Variants in CD2AP observed in about 807,000 individuals in gnomAD.
CD2AP encodes CD2 associated protein.
In CD2AP, 46 loss-of-function variants were observed where a neutral mutation model predicts 85.1. The observed-to-expected ratio is 0.54, with a 90% CI of 0.43 to 0.69. The LOEUF (loss-of-function observed/expected upper bound fraction) is 0.69. CD2AP is among the 30% of genes least tolerant of loss of function. The probability of loss-of-function intolerance (pLI) is 0.00; values close to 1 mark genes in which losing one functional copy is unlikely to be tolerated. For synonymous variants in CD2AP, 255 were observed against 252.9 expected (o/e 1.01, Z -0.08); for missense variants, 769 against 729.5 (o/e 1.05, Z -0.62).
chr6:47,480,425 A>G lies in CD2AP; in HGVS notation c.4+2177A>G, dbSNP rs1765413897. 2.6e-5 allele frequency among the ~76,000 whole-genome samples: 4 copies of G among 152,144 alleles called. No individual in the cohort carries two copies. The South Asian group carries it at 8.3e-4, about 31-fold the overall frequency. ...AAAATCTGAAATTTTTTTTGTGTGTAAGATAATTTGGATGCCTATTAAATG... is the reference window on the plus strand; with the variant it reads ...AAAATCTGAAATTTTTTTTGTGTGTGAGATAATTTGGATGCCTATTAAATG... On this transcript the variant is annotated intron_variant, in intron 1 of 17. Coordinates refer to ENST00000359314, the MANE Select transcript of CD2AP (RefSeq NM_012120.3).
At chr6:47,555,631 C>T (rs989791924) in intron 5 of CD2AP, among the ~76,000 whole-genome samples, 3 of 152,078 alleles carry the variant, frequency 2.0e-5, no homozygotes, top group African/African-American at 7.2e-5. Context: ...TAAGATTGCT[C>T]AGACTGCTTA....
intron 2 of CD2AP, among the ~76,000 whole-genome samples, chr6:47,505,938 G>A (rs1197033787): frequency 4.1e-5 from 4 of 98,740 alleles, no homozygotes; most frequent in Non-Finnish European, 4.4e-5. Context: ...GGTGGCTGCC[G>A]GGCGGAGACG....
rs1385670070 is a variant in CD2AP at position 47,533,761 on chromosome 6, TA to T, written c.319+9del. The T allele has an allele frequency of 6.2e-7, 1 of 1,613,350 alleles. No homozygotes were observed. Among genetic ancestry groups the T allele is most frequent in the Non-Finnish European group, 8.5e-7 (1 of 1,179,442 alleles). ...AACCAAAAACATTAAGAAGAGTATG[TA>T]AATAATTCCTTTCCTGCATAATTAC... On this transcript the variant is annotated splice_region_variant and intron_variant, in intron 3 of 17. Coordinates refer to ENST00000359314, the MANE Select transcript of CD2AP (RefSeq NM_012120.3).
intron 4 of CD2AP, among the ~76,000 whole-genome samples, chr6:47,549,929 C>T (rs868049564): frequency 1.4e-4 from 22 of 152,092 alleles, no homozygotes; most frequent in Middle Eastern, 6.8e-3. Flanking sequence ...AACTGATCTT[C>T]GACAAAGCAA....
rs1766514133 is a variant in CD2AP, at chr6:47,518,801, CT to C, written c.166-14796del. On this transcript the variant is annotated intron_variant, in intron 2 of 17. Coordinates refer to ENST00000359314, the MANE Select transcript of CD2AP (RefSeq NM_012120.3). Reference sequence around the variant, plus strand: ...CTTTTTAAAAATCAACCACATGTCCCTTTTTGCAATAGTTGTGACAGGCTTT... The same window carrying C: ...CTTTTTAAAAATCAACCACATGTCCCTTTTGCAATAGTTGTGACAGGCTTT... Among the ~76,000 whole-genome samples the C allele has an allele frequency of 2.6e-5, 4 of 152,214 alleles. No homozygotes were observed. The South Asian group carries it at 8.3e-4, about 32-fold the overall frequency.
chr6:47,582,109 A>G, intron 11 of CD2AP, 44 bp downstream of exon 11: 1 of 1,162,628 alleles, frequency 8.6e-7, no homozygotes, highest in Non-Finnish European at 1.3e-6. Context: ...TATTTCTTTT[A>G]TTGTCATTTT....
At chr6:47,527,113 C>CA (rs1554170260) in intron 2 of CD2AP, among the ~76,000 whole-genome samples, 1 of 151,636 alleles carries the variant, frequency 6.6e-6, no homozygotes, top group African/African-American at 2.4e-5. Context: ...GACTCCCCCC[C>CA]GATTGAAAAA....
At position 47,478,179 on chromosome 6, in the gene CD2AP, G is replaced by A. The variant is rs1262822555; in HGVS notation, c.-66G>A. 2 of 1,549,226 alleles carry A rather than the reference G, an allele frequency of 1.3e-6. No individual in the cohort carries two copies. The highest frequency in any genetic ancestry group is 1.4e-5 in the African/African-American group (1 of 73,156). On this transcript the variant is annotated 5_prime_UTR_variant, in exon 1 of 18. Transcript: ENST00000359314. ...CGCCTCCAGCCGCGGGAGCGGCCGC[G>A]CGAGCCACCACTGGAGGAGGAGGAG... is the stretch of plus-strand genomic sequence containing the variant.
chr6:47,491,261 GTGTGTGTGTA>G lies in CD2AP; in HGVS notation c.5-12009_5-12000del, dbSNP rs756572675. 2.1e-3 allele frequency among the ~76,000 whole-genome samples: 241 copies of G among 114,352 alleles called. 1 individual carries two copies. The highest frequency in any genetic ancestry group is 3.9e-3 in the Middle Eastern group (1 of 256). The allele number at this position is 114,352 out of a possible 152,430, so 75.0% of individuals were successfully genotyped here. The stretch of plus-strand genomic sequence containing the variant: ...ACATATATTTCTTTCTTCCTGATAT[GTGTGTGTGTA>G]TGTGTGTGTGTGTGTGTGTGTGTGT... On this transcript the variant is annotated intron_variant, in intron 1 of 17. Transcript: ENST00000359314.
intron 11 of CD2AP, among the ~76,000 whole-genome samples, chr6:47,584,223 T>G (rs1768558723): frequency 1.3e-5 from 2 of 152,222 alleles, no homozygotes; most frequent in Admixed American, 1.3e-4. Flanking sequence ...TTAAATTTGA[T>G]TGAAGCTTAT....
At chr6:47,575,496 C>G (rs1554181242) in intron 6 of CD2AP, among the ~76,000 whole-genome samples, 4 of 152,082 alleles carry the variant, frequency 2.6e-5, no homozygotes, top group Non-Finnish European at 4.4e-5. Context: ...GATCACTGAT[C>G]CAGGAATTGA....
intron 1 of CD2AP, among the ~76,000 whole-genome samples, chr6:47,490,380 A>C (rs1765704673): frequency 6.6e-6 from 1 of 152,172 alleles, no homozygotes; most frequent in African/African-American, 2.4e-5. Flanking sequence ...TGAGTTCTAT[A>C]AAACTTTATG....
At chr6:47,610,971 A>ATATATATATATATATATTTTTTT in intron 16 of CD2AP, among the ~76,000 whole-genome samples, 56 of 112,842 alleles carry the variant, frequency 5.0e-4, no homozygotes, top group African/African-American at 1.9e-3. Flanking sequence ...ATATATATGT[A>ATATATATATATATATATTTTTTT]TTTTTTTTTT....
chr6:47,553,735 T>C (rs1346743907), intron 4 of CD2AP, among the ~76,000 whole-genome samples: 1 of 152,076 alleles, frequency 6.6e-6, no homozygotes, highest in Non-Finnish European at 1.5e-5. Context: ...TTTAAAGTTA[T>C]TAAATATTAA....
intron 17 of CD2AP, among the ~76,000 whole-genome samples, chr6:47,618,833 C>G (rs144019654): frequency 2.0e-5 from 3 of 152,246 alleles, no homozygotes; most frequent in East Asian, 1.9e-4. Context: ...CTCTCACTGA[C>G]TTGTATTACA....
chr6:47,485,433 A>G (rs576984094), intron 1 of CD2AP, among the ~76,000 whole-genome samples: 1 of 152,320 alleles, frequency 6.6e-6, no homozygotes, highest in African/African-American at 2.4e-5. Flanking sequence ...TAGAATATGA[A>G]TATAAGGAAA....
chr6:47,488,541 T>C (rs1765625759), intron 1 of CD2AP, among the ~76,000 whole-genome samples: 1 of 152,272 alleles, frequency 6.6e-6, no homozygotes, highest in East Asian at 1.9e-4. Context: ...CATTTTTTCT[T>C]ATATATGAAA....
At chr6:47,574,284 C>T in intron 6 of CD2AP, 33 bp downstream of exon 6, 2 of 1,546,012 alleles carry the variant, frequency 1.3e-6, no homozygotes, top group Non-Finnish European at 8.9e-7. Flanking sequence ...ATTAACTCCA[C>T]TCATTCTCTC....
chr6:47,508,372 A>G (rs1012147849), intron 2 of CD2AP, among the ~76,000 whole-genome samples: 1 of 152,142 alleles, frequency 6.6e-6, no homozygotes, highest in African/African-American at 2.4e-5. Context: ...CTTGAACCTC[A>G]TGAGCCAACC....
Sources: gnomAD v4.1 joint callset for allele counts (sites outside exome capture counted in the v4.1 genomes callset) on GRCh38, gnomAD v4.1.1 for gene constraint, MANE v1.5 for transcripts, NCBI Gene and HGNC (gene_info 2026-07-23, HGNC 2026-07-21) for gene names.